ARHGEF3: variants seen among roughly 807,000 people sequenced by gnomAD.
ARHGEF3 encodes Rho guanine nucleotide exchange factor 3.
In ARHGEF3, 28 loss-of-function variants were observed where a neutral mutation model predicts 63.2. The ratio of observed to expected loss-of-function variants is 0.44; its 90% CI spans 0.33 to 0.61. The LOEUF is 0.61. Ranked by LOEUF, ARHGEF3 falls within the 20% of genes least tolerant of loss-of-function variation. The pLI is 0.03. For missense variants in ARHGEF3, 533 were observed against 659.3 expected (o/e 0.81, Z 2.10); for synonymous variants, 266 against 254.2 (o/e 1.05, Z -0.44).
chr3:56,772,374 A>G (rs1440942665), intron 2 of ARHGEF3, among the ~76,000 whole-genome samples: 1 of 152,214 alleles, frequency 6.6e-6, no homozygotes, highest in Non-Finnish European at 1.5e-5. Flanking sequence ...AGAACCTCAA[A>G]CAGTTCTCAA....
At chr3:56,997,456 GT>G (rs1483802768) in intron 2 of ARHGEF3, among the ~76,000 whole-genome samples, 5 of 152,154 alleles carry the variant, frequency 3.3e-5, no homozygotes, top group Admixed American at 2.0e-4. Flanking sequence ...ATGGCTAAGG[GT>G]GGGCAGAAAG....
intron 1 of ARHGEF3, among the ~76,000 whole-genome samples, chr3:57,049,102 G>C (rs1476331760): frequency 6.6e-6 from 1 of 152,100 alleles, no homozygotes; most frequent in African/African-American, 2.4e-5. Context: ...GGGCACGGTG[G>C]CTTATGCCTG....
intron 2 of ARHGEF3, among the ~76,000 whole-genome samples, chr3:56,959,941 G>A (rs988140841): frequency 1.3e-5 from 2 of 152,182 alleles, no homozygotes; most frequent in African/African-American, 2.4e-5. Context: ...TTGCACCACT[G>A]CACTCAGCCT....
rs112901242 is a variant in ARHGEF3, at chr3:57,058,843, G to A, written c.-28+20383C>T. On this transcript the variant is annotated intron_variant, in intron 1 of 12. Transcript: ENST00000338458. Reference sequence around the variant, plus strand: ...AATGATGAGTTCATGTCCTTTGTAGGGACATGGATGAAGCTGGAAACTATC... The same window carrying A: ...AATGATGAGTTCATGTCCTTTGTAGAGACATGGATGAAGCTGGAAACTATC... Among the ~76,000 whole-genome samples the A allele has an allele frequency of 2.0e-3, 299 of 152,036 alleles. 1 individual carries two copies. Among genetic ancestry groups the A allele is most frequent in the Non-Finnish European group, 3.9e-3 (267 of 67,998 alleles).
intron 3 of ARHGEF3, among the ~76,000 whole-genome samples, chr3:56,918,481 A>G (rs2042040491): frequency 6.6e-6 from 1 of 152,256 alleles, no homozygotes. Flanking sequence ...TTCGTGCAAG[A>G]GGTGAAACTT....
At chr3:56,859,292 C>T (rs2039987979) in intron 4 of ARHGEF3, among the ~76,000 whole-genome samples, 1 of 151,828 alleles carries the variant, frequency 6.6e-6, no homozygotes, top group Admixed American at 6.6e-5. Context: ...CGCCCACCAC[C>T]AGGCTCGGCT....
chr3:56,905,370 A>G (rs2041649755), intron 3 of ARHGEF3, among the ~76,000 whole-genome samples: 1 of 152,200 alleles, frequency 6.6e-6, no homozygotes, highest in Admixed American at 6.5e-5. Flanking sequence ...ACTGCTCTAC[A>G]CTTGCTTAAC....
chr3:57,021,675 C>A (rs559183736), intron 2 of ARHGEF3, among the ~76,000 whole-genome samples: 20 of 151,824 alleles, frequency 1.3e-4, no homozygotes, highest in African/African-American at 4.8e-4. Context: ...ATCACTTGAG[C>A]CCGGGAGGCA....
rs756725651 is a variant in ARHGEF3 at position 56,794,913 on chromosome 3, C to T, written c.96+6790G>A. ...CCCTATTTCACCCAGGCTAGGGTTG[C>T]AGTGGCACAATCTCAGCTCATTGCA... On this transcript the variant is annotated intron_variant, in intron 1 of 9. Coordinates refer to ENST00000296315, the MANE Select transcript of ARHGEF3 (RefSeq NM_019555.3). 1.7e-4 allele frequency among the ~76,000 whole-genome samples: 26 copies of T among 152,084 alleles called. 1 individual carries two copies. The highest frequency in any genetic ancestry group is 3.4e-3 in the Middle Eastern group (1 of 294).
intron 4 of ARHGEF3, among the ~76,000 whole-genome samples, chr3:56,842,780 G>A (rs199748289): frequency 1.3e-5 from 2 of 152,242 alleles, no homozygotes; most frequent in Admixed American, 6.5e-5. Context: ...CTGAGCAGGC[G>A]CCCCATTCAG....
chr3:56,766,366 C>CT (rs572606718), intron 2 of ARHGEF3, among the ~76,000 whole-genome samples: 147 of 152,312 alleles, frequency 9.7e-4, no homozygotes, highest in African/African-American at 3.4e-3. Context: ...AGAAACCCTT[C>CT]TTTGCCATAG....
chr3:57,009,417 C>T (rs911062862), intron 2 of ARHGEF3, among the ~76,000 whole-genome samples: 1 of 152,220 alleles, frequency 6.6e-6, no homozygotes, highest in African/African-American at 2.4e-5. Context: ...CTGTCTCGCA[C>T]AACCCGCCAC....
At chr3:56,974,669 C>T (rs986623613) in intron 2 of ARHGEF3, among the ~76,000 whole-genome samples, 2 of 152,120 alleles carry the variant, frequency 1.3e-5, no homozygotes, top group African/African-American at 4.8e-5. Flanking sequence ...TCTCCCCTCC[C>T]CCTGCCCCCC....
intron 4 of ARHGEF3, among the ~76,000 whole-genome samples, chr3:56,850,873 TAAC>T (rs1199039691): frequency 6.6e-6 from 1 of 152,104 alleles, no homozygotes; most frequent in East Asian, 1.9e-4. Flanking sequence ...CCTATCCTCA[TAAC>T]AACATTATGA....
chr3:56,938,570 C>G (rs569461204), intron 3 of ARHGEF3: 1 of 152,284 alleles, frequency 6.6e-6, no homozygotes, highest in African/African-American at 2.4e-5. Flanking sequence ...ATGAGACTTA[C>G]AAGGCACTAA....
intron 1 of ARHGEF3, among the ~76,000 whole-genome samples, chr3:56,777,996 T>C (rs2036365675): frequency 6.6e-6 from 1 of 152,106 alleles, no homozygotes; most frequent in Non-Finnish European, 1.5e-5. Flanking sequence ...CTTTTCAGGG[T>C]TCTATCTGTG....
intron 4 of ARHGEF3, among the ~76,000 whole-genome samples, chr3:56,828,974 T>C (rs2108066266): frequency 6.6e-6 from 1 of 152,334 alleles, no homozygotes; most frequent in Non-Finnish European, 1.5e-5. Context: ...TTGCTTAGGC[T>C]GGAGGGCAGT....
chr3:56,944,230 T>C (rs900212659), intron 3 of ARHGEF3, among the ~76,000 whole-genome samples: 2 of 152,150 alleles, frequency 1.3e-5, no homozygotes, highest in African/African-American at 4.8e-5. Context: ...ATAGGTGCCA[T>C]AGACAGTGTT....
rs60299557 is a variant in ARHGEF3, at chr3:56,994,064, C to CAAAAAAAAAAAAAAAAAAAAAA, written c.63-35176_63-35175insTTTTTTTTTTTTTTTTTTTTTT. Among the ~76,000 whole-genome samples, 197 of 59,682 alleles carry CAAAAAAAAAAAAAAAAAAAAAA rather than the reference C, an allele frequency of 3.3e-3. 26 individuals are homozygous for CAAAAAAAAAAAAAAAAAAAAAA. Among genetic ancestry groups the CAAAAAAAAAAAAAAAAAAAAAA allele is most frequent in the Middle Eastern group, 0.013 (1 of 80 alleles). 39.2% of individuals were successfully genotyped at this position (59,682 alleles called of 152,430 possible). On this transcript the variant is annotated intron_variant, in intron 2 of 12. Transcript: ENST00000338458. ...GGGCGACAAGAGTGAAACTTCGTCT[C>CAAAAAAAAAAAAAAAAAAAAAA]AAAAAAAAAAAAAAAAAAAAAGCAC...
Sources: gnomAD v4.1 joint callset for allele counts (sites outside exome capture counted in the v4.1 genomes callset) on GRCh38, gnomAD v4.1.1 for gene constraint, MANE v1.5 for transcripts, NCBI Gene and HGNC (gene_info 2026-07-23, HGNC 2026-07-21) for gene names.